The following PDLIM5 variants were observed in gnomAD, a reference collection of about 807,000 sequenced individuals.
PDLIM5 encodes the protein PDZ and LIM domain protein 5.
PDLIM5 carries 34 observed loss-of-function variants against 64.2 expected under a neutral mutation model. The ratio of observed to expected loss-of-function variants is 0.53; its 90% CI spans 0.40 to 0.71. PDLIM5 has a LOEUF of 0.71. Among genes scored for constraint, PDLIM5 ranks in the 30% least tolerant of loss-of-function variants. PDLIM5 has a pLI of 0.00. For synonymous variants in PDLIM5, 253 were observed against 269.1 expected, an observed-to-expected ratio of 0.94 and a Z score of 0.59; for missense variants, 683 against 733.6, an observed-to-expected ratio of 0.93 and a Z score of 0.80.
intron 8 of PDLIM5, among the ~76,000 whole-genome samples, chr4:94,619,681 C>G (rs6826138): frequency 0.064 from 9,740 of 152,162 alleles, 1,068 homozygotes; most frequent in African/African-American, 0.22. Flanking sequence ...GTTGCCCAGT[C>G]TCCCAGGCTG....
chr4:94,662,455 G>A lies in PDLIM5; in HGVS notation c.1619G>A (p.Gly540Glu). 1.1e-5 allele frequency: 17 copies of A among 1,593,122 alleles called. No individual in the cohort carries two copies. The highest frequency in any genetic ancestry group is 1.5e-5 in the Non-Finnish European group (17 of 1,160,940). Residue 540 changes from glycine to glutamate, a missense_variant, in exon 12 of 13, where the codon GGA becomes GAA. By Grantham distance (98) the Gly-to-Glu change is moderately conservative. Transcript: ENST00000317968. ...YYALFGTICH[G>E]CEFPIEAGDM... ...GCCCTCTTTGGTACTATATGCCATG[G>A]ATGTGAATTTCCCATAGAAGCTGGT...
At chr4:94,554,889 G>A (rs1420174712) in intron 3 of PDLIM5, among the ~76,000 whole-genome samples, 1 of 152,074 alleles carries the variant, frequency 6.6e-6, no homozygotes, top group Non-Finnish European at 1.5e-5. Context: ...ATACCATTCT[G>A]TTTTTCACTT....
Position 94,631,147 on chromosome 4 carries a change from C to T in PDLIM5, c.1109-9129C>T, listed in dbSNP as rs1455104728. Among the ~76,000 whole-genome samples the T allele has an allele frequency of 2.6e-5, 4 of 151,636 alleles. No homozygotes were observed. In the East Asian group the frequency reaches 7.8e-4, roughly 30 times the overall value. ...CAAACTCCTAGCCTCAAGTGAGCCT[C>T]CTACCTCAGTTTCCCAAAGTGCAGG... On this transcript the variant is annotated intron_variant, in intron 8 of 12. Transcript: ENST00000317968.
chr4:94,608,683 T>A (rs1738123732), intron 7 of PDLIM5, among the ~76,000 whole-genome samples: 2 of 152,230 alleles, frequency 1.3e-5, no homozygotes, highest in South Asian at 4.1e-4. Context: ...TTAGCTGATT[T>A]ATTTTTAAGT....
At chr4:94,568,798 C>G (rs1304294432) in intron 3 of PDLIM5, among the ~76,000 whole-genome samples, 1 of 152,074 alleles carries the variant, frequency 6.6e-6, no homozygotes, top group South Asian at 2.1e-4. Flanking sequence ...ATATAAAACA[C>G]TTATTCTTAA....
intron 11 of PDLIM5, among the ~76,000 whole-genome samples, chr4:94,660,359 GTTC>G (rs1448554524): frequency 1.3e-5 from 2 of 152,016 alleles, no homozygotes; most frequent in African/African-American, 4.8e-5. Context: ...TAACTTGAAT[GTTC>G]TTTGTCAGTT....
chr4:94,604,064 A>C (rs150814271), intron 7 of PDLIM5, among the ~76,000 whole-genome samples: 289 of 152,320 alleles, frequency 1.9e-3, no homozygotes, highest in African/African-American at 6.6e-3. Flanking sequence ...GCTACAGGAC[A>C]GAGTAATGTC....
chr4:94,628,093 A>G (rs758322843), intron 8 of PDLIM5, among the ~76,000 whole-genome samples: 25 of 152,220 alleles, frequency 1.6e-4, no homozygotes, highest in African/African-American at 5.8e-4. Context: ...TCAAGGAAGT[A>G]TAAGTAAACA....
At chr4:94,611,348 TG>T in intron 7 of PDLIM5, 1 of 621,430 alleles carries the variant, frequency 1.6e-6, no homozygotes. Flanking sequence ...GTAATGTCAG[TG>T]GCATGCTAAT....
At chr4:94,479,456 T>C (rs1256292101) in intron 2 of PDLIM5, among the ~76,000 whole-genome samples, 1 of 151,464 alleles carries the variant, frequency 6.6e-6, no homozygotes, top group Non-Finnish European at 1.5e-5. Context: ...GCCTCTCAAG[T>C]AGTTGGGACT....
intron 3 of PDLIM5, among the ~76,000 whole-genome samples, chr4:94,546,939 A>T (rs931388869): frequency 3.3e-5 from 5 of 151,860 alleles, no homozygotes; most frequent in Non-Finnish European, 7.4e-5. Context: ...TCTAGGTTTT[A>T]CACTTAACTG....
At chr4:94,583,377 AC>A in intron 5 of PDLIM5, among the ~76,000 whole-genome samples, 1 of 152,144 alleles carries the variant, frequency 6.6e-6, no homozygotes, top group African/African-American at 2.4e-5. Context: ...GTTTTTAGAC[AC>A]CAAACCTTTT....
intron 7 of PDLIM5, among the ~76,000 whole-genome samples, chr4:94,599,495 T>G (rs1256764927): frequency 6.6e-6 from 1 of 152,098 alleles, no homozygotes; most frequent in East Asian, 1.9e-4. Flanking sequence ...TCCTTAAAAT[T>G]TAGATTTCAG....
At chr4:94,495,600 G>C (rs1351880756) in intron 2 of PDLIM5, among the ~76,000 whole-genome samples, 1 of 152,124 alleles carries the variant, frequency 6.6e-6, no homozygotes, top group African/African-American at 2.4e-5. Context: ...AGGCCTCCCT[G>C]CAGAAGTGAC....
intron 3 of PDLIM5, among the ~76,000 whole-genome samples, chr4:94,564,760 A>G (rs1445814866): frequency 6.8e-6 from 1 of 147,490 alleles, no homozygotes; most frequent in East Asian, 2.0e-4. Flanking sequence ...GGTTCAAGCG[A>G]TTCTCCTGCC....
intron 3 of PDLIM5, among the ~76,000 whole-genome samples, chr4:94,543,894 C>A (rs1352433087): frequency 1.3e-5 from 2 of 150,028 alleles, no homozygotes; most frequent in African/African-American, 4.9e-5. Flanking sequence ...TATGGGAATA[C>A]AGATATCTCT....
intron 2 of PDLIM5, among the ~76,000 whole-genome samples, chr4:94,498,216 C>G (rs1041030055): frequency 2.6e-5 from 4 of 152,096 alleles, no homozygotes; most frequent in Non-Finnish European, 4.4e-5. Flanking sequence ...AATTCAGTGG[C>G]TAAATTTAAA....
chr4:94,583,943 G>A (rs1735953144), intron 5 of PDLIM5, among the ~76,000 whole-genome samples: 1 of 152,156 alleles, frequency 6.6e-6, no homozygotes, highest in Admixed American at 6.5e-5. Flanking sequence ...TGAGGAAATT[G>A]AGCTTAGAGA....
chr4:94,595,503 A>G (rs1209170689), intron 7 of PDLIM5, among the ~76,000 whole-genome samples: 2 of 152,260 alleles, frequency 1.3e-5, no homozygotes, highest in Admixed American at 1.3e-4. Context: ...GAATTTTAGC[A>G]CTGGAAGAAT....
Sources: gnomAD v4.1 joint callset for allele counts (sites outside exome capture counted in the v4.1 genomes callset) on GRCh38, gnomAD v4.1.1 for gene constraint, MANE v1.5 for transcripts, NCBI Gene and HGNC (gene_info 2026-07-23, HGNC 2026-07-21) for gene names.